Variants in ATXN7 observed in about 807,000 individuals in gnomAD.
ATXN7 encodes ataxin 7, also known as ataxin-7.
A neutral mutation model predicts 70.5 loss-of-function variants in ATXN7; 12 were observed. That is an observed-to-expected ratio of 0.17 (90% CI 0.11 to 0.28). The LOEUF (loss-of-function observed/expected upper bound fraction) is 0.28. Ranked by LOEUF, ATXN7 falls within the 10% of genes least tolerant of loss-of-function variation. The probability of loss-of-function intolerance (pLI) is 1.00; values close to 1 mark genes in which losing one functional copy is unlikely to be tolerated. For synonymous variants in ATXN7, 498 were observed against 448.7 expected (o/e 1.11, Z -1.39); for missense variants, 1,256 against 1,131.7 (o/e 1.11, Z -1.58).
intron 2 of ATXN7, chr3:63,905,430 C>T (rs9850682): frequency 0.15 from 23,147 of 151,934 alleles, 1,981 homozygotes; most frequent in East Asian, 0.37. Flanking sequence ...AGGATGGTCT[C>T]GATCTCCTGA....
chr3:63,999,040 G>T (rs1383802423), intron 12 of ATXN7: 2 of 166,856 alleles, frequency 1.2e-5, no homozygotes, highest in Admixed American at 5.8e-5. Flanking sequence ...CCTTGAGTGC[G>T]AACTGTCACA....
intron 5 of ATXN7, among the ~76,000 whole-genome samples, chr3:63,960,740 A>G (rs2075115303): frequency 6.6e-6 from 1 of 152,118 alleles, no homozygotes; most frequent in East Asian, 1.9e-4. Flanking sequence ...TTTATTTTTA[A>G]TGAGGTGCAC....
At chr3:63,889,747 C>T (rs902930157) in intron 1 of ATXN7, among the ~76,000 whole-genome samples, 1 of 152,184 alleles carries the variant, frequency 6.6e-6, no homozygotes, top group Non-Finnish European at 1.5e-5. Flanking sequence ...AGTGAATAAG[C>T]ACTGGCTCCT....
chr3:63,996,135 G>A lies in ATXN7; in HGVS notation c.2313G>A (p.Arg771=). The A allele has an allele frequency of 5.0e-6, 8 of 1,614,164 alleles. No individual in the cohort carries two copies. The highest frequency in any genetic ancestry group is 6.8e-6 in the Non-Finnish European group (8 of 1,180,028). Reference sequence around the variant, plus strand: ...ATAAAGCAAATGCGGTGAACGTCCGGCATGACCAGTCAGGGAGGGGCCCCC... The same window carrying A: ...ATAAAGCAAATGCGGTGAACGTCCGACATGACCAGTCAGGGAGGGGCCCCC... The part of the protein sequence containing the change: ...VTNKANAVNV[R]HDQSGRGPPT... Residue 771 remains arginine (R), a synonymous_variant, in exon 12 of 13, where the codon CGG becomes CGA. Transcript: ENST00000674280.
chr3:63,985,354 A>T (rs2075558683), intron 8 of ATXN7, among the ~76,000 whole-genome samples: 1 of 152,188 alleles, frequency 6.6e-6, no homozygotes, highest in Non-Finnish European at 1.5e-5. Context: ...TAAGCCTGTC[A>T]TTGCATTAAT....
intron 4 of ATXN7, among the ~76,000 whole-genome samples, chr3:63,928,869 G>A (rs2107334961): frequency 6.6e-6 from 1 of 152,298 alleles, no homozygotes; most frequent in South Asian, 2.1e-4. Context: ...TAAAATCAGG[G>A]AATTTGCTTG....
chr3:63,980,118 A>G lies in ATXN7; in HGVS notation c.703A>G (p.Thr235Ala), dbSNP rs1468459104. ...PKEKLQLRGN[T>A]RPMHPIQQSR... ...AGAGAAACTGCAGCTCAGGGGGAAC[A>G]CCAGGCCAATGCATCCCATTCAGCA... The change falls in exon 6 of 13, where the codon ACC (threonine) becomes GCC (alanine). Residue 235 changes from threonine to alanine, a missense_variant. Thr to Ala is a moderately conservative substitution (Grantham distance 58). Coordinates refer to ENST00000674280, the MANE Select transcript of ATXN7 (RefSeq NM_001377405.1). 1 of 1,614,224 alleles carries G rather than the reference A, an allele frequency of 6.2e-7. No individual in the cohort carries two copies. The highest frequency in any genetic ancestry group is 1.1e-5 in the South Asian group (1 of 91,082).
intron 4 of ATXN7, among the ~76,000 whole-genome samples, chr3:63,946,169 T>C (rs933365653): frequency 3.9e-5 from 6 of 152,166 alleles, no homozygotes; most frequent in Non-Finnish European, 8.8e-5. Context: ...TTTCCATTTG[T>C]AAATTTTTAT....
chr3:63,907,305 T>G (rs1017439730), intron 2 of ATXN7, among the ~76,000 whole-genome samples: 9 of 152,146 alleles, frequency 5.9e-5, no homozygotes, highest in African/African-American at 2.2e-4. Flanking sequence ...ATGGTGATAT[T>G]TACAGCATTG....
At chr3:63,864,231 C>G (rs1422835499) in intron 1 of ATXN7, among the ~76,000 whole-genome samples, 73 bp downstream of exon 1, 3 of 150,078 alleles carry the variant, frequency 2.0e-5, no homozygotes, top group East Asian at 2.0e-4. Context: ...GTCGGGGTCC[C>G]GGCTTCTTCC....
intron 1 of ATXN7, among the ~76,000 whole-genome samples, chr3:63,876,220 T>G (rs1438916024): frequency 6.6e-6 from 1 of 152,150 alleles, no homozygotes; most frequent in African/African-American, 2.4e-5. Context: ...TTTCATTTCC[T>G]TATACTTTTT....
chr3:63,936,161 A>G (rs2074658485), intron 4 of ATXN7, among the ~76,000 whole-genome samples: 1 of 152,210 alleles, frequency 6.6e-6, no homozygotes, highest in Non-Finnish European at 1.5e-5. Context: ...GTGGAACGTT[A>G]GTCGCTTTTC....
chr3:63,904,791 C>T (rs1703777815), intron 2 of ATXN7: 2 of 152,142 alleles, frequency 1.3e-5, no homozygotes, highest in African/African-American at 4.8e-5. Context: ...CTGTGTTTAA[C>T]CTTTTAAGTA....
Position 63,996,264 on chromosome 3 carries a change from G to A in ATXN7, c.2442G>A (p.Leu814=). Reference sequence around the variant, plus strand: ...CATTCATTCACCAGTCCAATGAACTGCCTGTCAACTCCCACGGCAGTTTTT... The same window carrying A: ...CATTCATTCACCAGTCCAATGAACTACCTGTCAACTCCCACGGCAGTTTTT... ...LGPFIHQSNE[L]PVNSHGSFSH... Residue 814 remains leucine, a synonymous_variant, in exon 12 of 13, where the codon CTG becomes CTA. Transcript: ENST00000674280. The A allele has an allele frequency of 6.2e-7, 1 of 1,614,120 alleles. No individual in the cohort carries two copies. Among genetic ancestry groups the A allele is most frequent in the Non-Finnish European group, 8.5e-7 (1 of 1,180,028 alleles).
At position 63,975,036 on chromosome 3, in the gene ATXN7, T is replaced by C. The variant is rs566448410; in HGVS notation, c.500-4879T>C. Among the ~76,000 whole-genome samples the C allele has an allele frequency of 9.8e-5, 15 of 152,340 alleles. No individual in the cohort carries two copies. The South Asian group carries it at 2.9e-3, about 30-fold the overall frequency. On this transcript the variant is annotated intron_variant, in intron 5 of 12. Transcript: ENST00000674280. ...TGGCTCATTTCAGCCAGTTACAGTT[T>C]TCTGTGTTCACCTAGTATTTCTTAC...
intron 4 of ATXN7, among the ~76,000 whole-genome samples, chr3:63,928,111 T>A (rs889537790): frequency 5.3e-5 from 8 of 152,192 alleles, no homozygotes; most frequent in Admixed American, 1.3e-4. Context: ...AAGATCCTCT[T>A]TTTTTCTTCA....
chr3:63,901,712 C>G (rs186400877), intron 2 of ATXN7: 1 of 152,212 alleles, frequency 6.6e-6, no homozygotes, highest in Admixed American at 6.5e-5. Context: ...GCTTGGATTA[C>G]AGTTGTGAGC....
chr3:64,003,148 A>G lies in ATXN7; in HGVS notation c.*3681A>G, dbSNP rs2075852599. On this transcript the variant is annotated 3_prime_UTR_variant, in exon 13 of 13. Coordinates refer to ENST00000674280, the MANE Select transcript of ATXN7 (RefSeq NM_001377405.1). Reference sequence around the variant, plus strand: ...TGCAAAACATTTTACATTTTCAGATAATTTAAATGAGCACTACATACTGTC... The same window carrying G: ...TGCAAAACATTTTACATTTTCAGATGATTTAAATGAGCACTACATACTGTC... 1 of 151,364 alleles carries G rather than the reference A, an allele frequency of 6.6e-6. No individual in the cohort carries two copies. The highest frequency in any genetic ancestry group is 1.5e-5 in the Non-Finnish European group (1 of 67,912). 9.4% of individuals were successfully genotyped at this position (151,364 alleles called of 1,614,324 possible). A position where few individuals can be genotyped will look rare whatever the true frequency, so the allele number is the denominator to read the frequency against.
chr3:63,867,400 A>C (rs116006137), intron 1 of ATXN7, among the ~76,000 whole-genome samples: 1 of 152,126 alleles, frequency 6.6e-6, no homozygotes, highest in Non-Finnish European at 1.5e-5. Flanking sequence ...ATGCAATTGC[A>C]TGAAACTGGC....
Sources: gnomAD v4.1 joint callset for allele counts (sites outside exome capture counted in the v4.1 genomes callset) on GRCh38, gnomAD v4.1.1 for gene constraint, MANE v1.5 for transcripts, NCBI Gene and HGNC (gene_info 2026-07-23, HGNC 2026-07-21) for gene names.